Variants in GRM7 observed in about 807,000 individuals in gnomAD.
GRM7 encodes glutamate metabotropic receptor 7, also known as metabotropic glutamate receptor 7.
In GRM7, 35 loss-of-function variants were observed where a neutral mutation model predicts 84.5. That is an observed-to-expected ratio of 0.41 (90% CI 0.32 to 0.55). GRM7 has a LOEUF of 0.55. GRM7 is among the 20% of genes least tolerant of loss of function. The pLI, the probability that GRM7 is intolerant of heterozygous loss-of-function variation, is 0.19. For synonymous variants in GRM7, 487 were observed against 455.1 expected, an observed-to-expected ratio of 1.07 and a Z score of -0.89; for missense variants, 1,003 against 1,194.6, an observed-to-expected ratio of 0.84 and a Z score of 2.36.
intron 1 of GRM7, among the ~76,000 whole-genome samples, chr3:6,873,545 C>T (rs1415744770): frequency 1.3e-5 from 2 of 152,228 alleles, no homozygotes; most frequent in Admixed American, 6.5e-5. Context: ...ACAATAGATC[C>T]GTCTGCATAG....
chr3:7,536,980 C>A (rs1701268291), intron 7 of GRM7, among the ~76,000 whole-genome samples: 1 of 152,148 alleles, frequency 6.6e-6, no homozygotes, highest in Non-Finnish European at 1.5e-5. Context: ...TCCAACATTT[C>A]TGAAATGTTG....
chr3:7,044,243 A>T (rs1574829413), intron 1 of GRM7, among the ~76,000 whole-genome samples: 1 of 152,286 alleles, frequency 6.6e-6, no homozygotes, highest in African/African-American at 2.4e-5. Context: ...CAAATCACAC[A>T]TGCACCTACT....
intron 8 of GRM7, among the ~76,000 whole-genome samples, chr3:7,641,806 G>C (rs770807914): frequency 1.3e-3 from 202 of 151,990 alleles, no homozygotes; most frequent in Non-Finnish European, 2.7e-3. Flanking sequence ...TAAAAGACAA[G>C]GACTTAATGT....
chr3:7,037,109 T>G (rs1308526752), intron 1 of GRM7, among the ~76,000 whole-genome samples: 1 of 152,158 alleles, frequency 6.6e-6, no homozygotes, highest in Non-Finnish European at 1.5e-5. Flanking sequence ...TTCGGTGAAT[T>G]TTTAGAAATA....
At chr3:7,632,958 A>G (rs1697922463) in intron 8 of GRM7, among the ~76,000 whole-genome samples, 1 of 152,270 alleles carries the variant, frequency 6.6e-6, no homozygotes, top group South Asian at 2.1e-4. Context: ...AAGAACCATA[A>G]AAGAAAACAT....
intron 4 of GRM7, among the ~76,000 whole-genome samples, chr3:7,344,650 A>G (rs1692807895): frequency 1.3e-5 from 2 of 152,214 alleles, no homozygotes; most frequent in Non-Finnish European, 2.9e-5. Context: ...AGTGCATTAC[A>G]TTAAGTTAAA....
intron 8 of GRM7, among the ~76,000 whole-genome samples, chr3:7,642,802 G>T (rs1241478880): frequency 6.6e-6 from 1 of 152,074 alleles, no homozygotes; most frequent in Non-Finnish European, 1.5e-5. Flanking sequence ...AATATTTGAT[G>T]AATAAATCAG....
chr3:6,976,792 GC>G (rs1306683861), intron 1 of GRM7, among the ~76,000 whole-genome samples: 1 of 152,060 alleles, frequency 6.6e-6, no homozygotes, highest in Non-Finnish European at 1.5e-5. Context: ...CATCTGCACT[GC>G]CAAATACTTA....
intron 3 of GRM7, among the ~76,000 whole-genome samples, chr3:7,302,574 C>T (rs1191180068): frequency 2.6e-5 from 4 of 151,696 alleles, no homozygotes; most frequent in African/African-American, 9.7e-5. Flanking sequence ...ATTTTTGGTG[C>T]CTTGATATGA....
At chr3:7,280,691 A>G (rs939889141) in intron 2 of GRM7, among the ~76,000 whole-genome samples, 3 of 152,254 alleles carry the variant, frequency 2.0e-5, no homozygotes, top group Non-Finnish European at 2.9e-5. Flanking sequence ...GTTTACAATC[A>G]TAAAGTGCTT....
chr3:7,659,379 C>A (rs1699335875), intron 8 of GRM7, among the ~76,000 whole-genome samples: 1 of 151,972 alleles, frequency 6.6e-6, no homozygotes. Flanking sequence ...AAAGAGGCTT[C>A]CATTGGATTA....
chr3:6,867,731 T>C (rs1463185166), intron 1 of GRM7, among the ~76,000 whole-genome samples: 1 of 152,160 alleles, frequency 6.6e-6, no homozygotes, highest in African/African-American at 2.4e-5. Flanking sequence ...CAACATATAG[T>C]CTGACTGGTT....
At chr3:7,275,021 T>A (rs1443780394) in intron 2 of GRM7, among the ~76,000 whole-genome samples, 1 of 152,174 alleles carries the variant, frequency 6.6e-6, no homozygotes, top group East Asian at 1.9e-4. Flanking sequence ...ATTTTGGAAG[T>A]CTCTATTGAG....
chr3:7,735,443 G>A (rs1041955179), intron 9 of GRM7, among the ~76,000 whole-genome samples: 1 of 152,182 alleles, frequency 6.6e-6, no homozygotes, highest in Non-Finnish European at 1.5e-5. Flanking sequence ...GCCTAGAGAT[G>A]CTATCTAGCC....
chr3:7,027,456 C>T (rs1271277814), intron 1 of GRM7, among the ~76,000 whole-genome samples: 2 of 152,122 alleles, frequency 1.3e-5, no homozygotes, highest in Admixed American at 1.3e-4. Context: ...TCACATTGTA[C>T]ATTTTGATTA....
At chr3:7,058,528 T>G (rs1261984975) in intron 1 of GRM7, among the ~76,000 whole-genome samples, 1 of 151,914 alleles carries the variant, frequency 6.6e-6, no homozygotes, top group East Asian at 1.9e-4. Flanking sequence ...AGAGTTTATG[T>G]TCATTAATAT....
intron 3 of GRM7, among the ~76,000 whole-genome samples, chr3:7,301,976 G>A (rs1700017933): frequency 6.6e-6 from 1 of 151,954 alleles, no homozygotes; most frequent in Non-Finnish European, 1.5e-5. Flanking sequence ...ATCAGTCATG[G>A]GTATAGATGA....
intron 4 of GRM7, among the ~76,000 whole-genome samples, chr3:7,388,374 G>A (rs1262224057): frequency 6.6e-6 from 1 of 152,044 alleles, no homozygotes; most frequent in Non-Finnish European, 1.5e-5. Context: ...TTGGGTTTAT[G>A]TTCATCAGTG....
intron 4 of GRM7, among the ~76,000 whole-genome samples, chr3:7,335,879 C>T (rs559827511): frequency 4.6e-5 from 7 of 151,796 alleles, no homozygotes; most frequent in Admixed American, 2.6e-4. Flanking sequence ...CTGAACAGAC[C>T]AATAACAAGC....
Sources: gnomAD v4.1 joint callset for allele counts (sites outside exome capture counted in the v4.1 genomes callset) on GRCh38, gnomAD v4.1.1 for gene constraint, MANE v1.5 for transcripts, NCBI Gene and HGNC (gene_info 2026-07-23, HGNC 2026-07-21) for gene names.